Variants in NPC1 observed in about 807,000 individuals in gnomAD.
NPC1 encodes Niemann-Pick C1 protein.
In NPC1, 85 loss-of-function variants were observed where a neutral mutation model predicts 140.4. The observed-to-expected ratio is 0.61, with a 90% CI of 0.51 to 0.72. NPC1 has a LOEUF of 0.72. NPC1 is among the 30% of genes least tolerant of loss of function. NPC1 has a pLI of 0.00. For missense variants in NPC1, 1,504 were observed against 1,623.8 expected (o/e 0.93, Z 1.27); for synonymous variants, 656 against 624.8 (o/e 1.05, Z -0.74).
chr18:23,573,453 T>C lies in NPC1; in HGVS notation c.179A>G (p.Gln60Arg). The C allele has an allele frequency of 1.2e-6, 2 of 1,614,178 alleles. No homozygotes were observed. The highest frequency in any genetic ancestry group is 1.7e-6 in the Non-Finnish European group (2 of 1,180,018). The change falls in exon 2 of 25, where the codon CAG becomes CGG. Residue 60 changes from glutamine to arginine, a missense_variant and splice_region_variant. Gln to Arg is a conservative substitution (Grantham distance 43). Transcript: ENST00000269228. ...CAGTGCCTAAGATAATGAACTTACC[T>C]GCACTAAGTCATATCCATCCTTTGG... is the stretch of plus-strand genomic sequence containing the variant. The part of the protein sequence containing the change: ...PLPKDGYDLV[Q>R]ELCPGFFFGN...
intron 9 of NPC1, among the ~76,000 whole-genome samples, chr18:23,552,419 G>T (rs2058887015): frequency 6.6e-6 from 1 of 152,240 alleles, no homozygotes; most frequent in Non-Finnish European, 1.5e-5. Context: ...CAAAATAAAA[G>T]GACTCAGTGC....
At position 23,557,163 on chromosome 18, in the gene NPC1, A is replaced by T. The variant is rs2058966436; in HGVS notation, c.909T>A (p.Thr303=). 6.2e-7 allele frequency: 1 copy of T among 1,613,590 alleles called. No individual in the cohort carries two copies. Among genetic ancestry groups the T allele is most frequent in the Non-Finnish European group, 8.5e-7 (1 of 1,179,866 alleles). Residue 303 remains threonine, a synonymous_variant, in exon 7 of 25, where the codon ACT becomes ACA. Transcript: ENST00000269228. ...AAAAAGCTATATTGCTATCGATGGG[A>T]GTGTACTCGGAGACAAAATACCGTT... The part of the protein sequence containing the change: ...YRKRYFVSEY[T]PIDSNIAFSV...
At chr18:23,567,208 T>A (rs1310741707) in intron 4 of NPC1, among the ~76,000 whole-genome samples, 1 of 152,240 alleles carries the variant, frequency 6.6e-6, no homozygotes, top group Non-Finnish European at 1.5e-5. Context: ...GGAGTATGAT[T>A]AGTTTTGTAA....
At chr18:23,538,466 G>C in intron 20 of NPC1, 76 bp downstream of exon 20, 1 of 1,562,912 alleles carries the variant, frequency 6.4e-7, no homozygotes, top group South Asian at 1.1e-5. Context: ...AACTGTCTTA[G>C]CCCAGTCCTC....
In NPC1 at chr18:23,545,047, A is replaced by G; in HGVS notation, c.1860T>C (p.Asp620=). The change falls in exon 12 of 25, where the codon GAT becomes GAC. Residue 620 remains aspartate, a synonymous_variant. Coordinates refer to ENST00000269228, the MANE Select transcript of NPC1 (RefSeq NM_000271.5). ...CATAGCTAATTACAACGGTGAAGAC[A>G]TCACTGTCACTTTCACGATTTAGTT... ...EDELNRESDS[D]VFTVVISYAI... 6.2e-7 allele frequency: 1 copy of G among 1,610,762 alleles called. No homozygotes were observed.
At chr18:23,569,069 G>A (rs2059166380) in intron 3 of NPC1, 71 bp from the exon 4 acceptor site, 2 of 1,053,794 alleles carry the variant, frequency 1.9e-6, no homozygotes, top group Admixed American at 1.8e-5. Flanking sequence ...ATTTTAAATA[G>A]ACAAAGAATA....
chr18:23,537,546 T>C (rs561152899), intron 20 of NPC1, among the ~76,000 whole-genome samples: 1 of 152,176 alleles, frequency 6.6e-6, no homozygotes, highest in Non-Finnish European at 1.5e-5. Flanking sequence ...TTACTGGTCA[T>C]GTAACCCCGA....
Position 23,554,976 on chromosome 18 carries a change from G to A in NPC1, c.1335C>T (p.Asp445=). Residue 445 remains aspartate (D), a synonymous_variant, in exon 9 of 25, where the codon GAC becomes GAT. Coordinates refer to ENST00000269228, the MANE Select transcript of NPC1 (RefSeq NM_000271.5). Reference sequence around the variant, plus strand: ...TAATGTTTTCGATGGCTATTTGTAAGTCAAGAACCTGAAAGAAGATTTTAA... The same window carrying A: ...TAATGTTTTCGATGGCTATTTGTAAATCAAGAACCTGAAAGAAGATTTTAA... ...LDIQILHQVL[D]LQIAIENITA... 6.2e-7 allele frequency: 1 copy of A among 1,607,148 alleles called. No individual in the cohort carries two copies. The highest frequency in any genetic ancestry group is 8.5e-7 in the Non-Finnish European group (1 of 1,173,618).
chr18:23,571,933 A>G (rs1430126330), intron 3 of NPC1, 141 bp downstream of exon 3: 12 of 294,898 alleles, frequency 4.1e-5, no homozygotes, highest in Non-Finnish European at 6.8e-5. Context: ...ATGTATACAT[A>G]TATGTATAAA....
intron 4 of NPC1, among the ~76,000 whole-genome samples, chr18:23,568,167 C>T (rs892544810): frequency 3.9e-5 from 6 of 152,118 alleles, no homozygotes; most frequent in African/African-American, 4.8e-5. Flanking sequence ...TAATGACACA[C>T]GTGTTACACA....
intron 22 of NPC1, 51 bp downstream of exon 22, chr18:23,535,418 C>A: frequency 7.6e-7 from 1 of 1,310,050 alleles, no homozygotes; most frequent in Non-Finnish European, 1.1e-6. Flanking sequence ...CAGCCAATTC[C>A]CCCAAGTGAA....
intron 10 of NPC1, among the ~76,000 whole-genome samples, chr18:23,549,742 C>CTTTTTTTTTTTTTTTTT (rs1000073339): frequency 1.5e-4 from 21 of 138,004 alleles, no homozygotes; most frequent in African/African-American, 5.5e-4. Flanking sequence ...TTTTTCACAA[C>CTTTTTTTTTTTTTTTTT]TTTTTTTTTT....
At chr18:23,563,987 G>GTTTTT (rs71163619) in intron 4 of NPC1, among the ~76,000 whole-genome samples, 37,507 of 101,612 alleles carry the variant, frequency 0.37, 7,764 homozygotes, top group East Asian at 0.46. Context: ...AGTAGTAAGA[G>GTTTTT]TTTTTTTTTT....
At chr18:23,524,498 CA>C (rs1308739743), downstream of NPC1, 1 of 1,613,232 alleles carries the variant, frequency 6.2e-7, no homozygotes, top group Non-Finnish European at 8.5e-7. Flanking sequence ...TCAGCGGGGA[CA>C]GTTGTCGTGT....
At chr18:23,571,482 C>T (rs1024935419) in intron 3 of NPC1, among the ~76,000 whole-genome samples, 1 of 151,944 alleles carries the variant, frequency 6.6e-6, no homozygotes, top group East Asian at 1.9e-4. Flanking sequence ...CATGGTGAAA[C>T]CCCACCTCTA....
rs1435486985 is a variant in NPC1 at position 23,551,624 on chromosome 18, T to C, written c.1654+3A>G. The C allele has an allele frequency of 6.2e-7, 1 of 1,605,788 alleles. No homozygotes were observed. The highest frequency in any genetic ancestry group is 1.1e-5 in the South Asian group (1 of 90,906). ...AGGAAAAGTCAAAGCTTCTCTTACT[T>C]ACCATCATAGCCTCCCAACACAAGC... On this transcript the variant is annotated splice_donor_region_variant and intron_variant, in intron 10 of 24. Coordinates refer to ENST00000269228, the MANE Select transcript of NPC1 (RefSeq NM_000271.5).
chr18:23,525,928 T>C (rs1219338600), downstream of NPC1, among the ~76,000 whole-genome samples: 1 of 152,270 alleles, frequency 6.6e-6, no homozygotes, highest in Admixed American at 6.5e-5. Context: ...TGCATTGTTG[T>C]GCCTTGTCTG....
At chr18:23,553,168 C>T (rs181873804) in intron 9 of NPC1, among the ~76,000 whole-genome samples, 35 of 152,358 alleles carry the variant, frequency 2.3e-4, no homozygotes, top group African/African-American at 8.2e-4. Context: ...GTGGGAACCA[C>T]GTCCGCTTTG....
In NPC1 at chr18:23,560,270, A is replaced by G. The variant is rs753075830; in HGVS notation, c.842T>C (p.Leu281Pro). Residue 281 changes from leucine to proline, a missense_variant, in exon 6 of 25, where the codon CTT becomes CCT. By Grantham distance (98) the Leu-to-Pro change is moderately conservative (BLOSUM62 -3). Transcript: ENST00000269228. Reference protein sequence around the residue: ...IMWITYMAFLLVFFGAFFAVW... With the variant: ...IMWITYMAFLPVFFGAFFAVW... ...TGCAAAAAATGCTCCAAAAAACACAAGCAAAAACGCCATGTAGGTGATCCA... is the reference window on the plus strand; with the variant it reads ...TGCAAAAAATGCTCCAAAAAACACAGGCAAAAACGCCATGTAGGTGATCCA... The G allele has an allele frequency of 7.4e-6, 12 of 1,614,118 alleles. No individual in the cohort carries two copies. The Admixed American group carries it at 1.7e-4, about 22-fold the overall frequency.
Sources: allele counts gnomAD v4.1 joint callset (sites outside exome capture counted in the v4.1 genomes callset), GRCh38; gene constraint gnomAD v4.1.1; transcripts MANE v1.5; gene names NCBI Gene and HGNC (gene_info 2026-07-23, HGNC 2026-07-21).